SYVN1: variants seen among roughly 807,000 people sequenced by gnomAD.
SYVN1 encodes the protein synoviolin 1, also known as E3 ubiquitin-protein ligase synoviolin.
In SYVN1, 17 loss-of-function variants were observed where a neutral mutation model predicts 62.6. The ratio of observed to expected loss-of-function variants is 0.27; its 90% CI spans 0.19 to 0.41. SYVN1 has a LOEUF of 0.41. SYVN1 is among the 10% of genes least tolerant of loss of function. The pLI, the probability that SYVN1 is intolerant of heterozygous loss-of-function variation, is 1.00. For missense variants in SYVN1, 634 were observed against 818.0 expected, an observed-to-expected ratio of 0.78 and a Z score of 2.74; for synonymous variants, 316 against 304.0, an observed-to-expected ratio of 1.04 and a Z score of -0.41.
chr11:65,132,620 A>T, intron 5 of SYVN1, 112 bp downstream of exon 5: 1 of 1,293,130 alleles, frequency 7.7e-7, no homozygotes, highest in Non-Finnish European at 1.1e-6. Context: ...TATGCAAATT[A>T]ACTTCCTAAA....
At chr11:65,133,123 C>T (rs762186907) in intron 3 of SYVN1, 37 bp downstream of exon 3, 2 of 1,614,182 alleles carry the variant, frequency 1.2e-6, no homozygotes, top group South Asian at 2.2e-5. Context: ...TCTTTCCCAG[C>T]ACCCTGCCCT....
chr11:65,129,749 G>C lies in SYVN1; in HGVS notation c.1575C>G (p.Leu525=), dbSNP rs1307877847. 14 of 1,614,220 alleles carry C rather than the reference G, an allele frequency of 8.7e-6. No individual in the cohort carries two copies. Among genetic ancestry groups the C allele is most frequent in the Non-Finnish European group, 1.2e-5 (14 of 1,180,016 alleles). The change falls in exon 14 of 16, where the codon CTC becomes CTG. Residue 525 remains leucine, a synonymous_variant. Transcript: ENST00000377190. ...DAAMLQINQY[L]TVLASLGPPR... ...CACACCCCAAGGAGGCCAGCACGGT[G>C]AGGTACTGGTTGATCTGCAGCATGG... is the stretch of plus-strand genomic sequence containing the variant.
intron 14 of SYVN1, 195 bp from the exon 15 acceptor site, chr11:65,128,909 C>A: frequency 1.6e-6 from 1 of 623,526 alleles, no homozygotes; most frequent in Non-Finnish European, 2.8e-6. Context: ...ATGATTCTAT[C>A]CCTTAGCTGT....
Position 65,132,915 on chromosome 11 carries a change from G to A in SYVN1, c.378+7C>T, listed in dbSNP as rs1565349410. 3 of 1,614,058 alleles carry A rather than the reference G, an allele frequency of 1.9e-6. No homozygotes were observed. The highest frequency in any genetic ancestry group is 1.7e-6 in the Non-Finnish European group (2 of 1,179,954). ...CACCTGCTCCAGAACTCCCTGCCTTGACTCACAAAGTCCACACGGTCCTCA... is the reference window on the plus strand; with the variant it reads ...CACCTGCTCCAGAACTCCCTGCCTTAACTCACAAAGTCCACACGGTCCTCA... On this transcript the variant is annotated splice_region_variant and intron_variant, in intron 4 of 15. Transcript: ENST00000377190.
In SYVN1 at chr11:65,131,573, C is replaced by T. The variant is rs373544314; in HGVS notation, c.555G>A (p.Val185=). 12 of 1,613,744 alleles carry T rather than the reference C, an allele frequency of 7.4e-6. No homozygotes were observed. In the African/African-American group the frequency reaches 1.5e-4, roughly 20 times the overall value. The change falls in exon 7 of 16, where the codon GTG becomes GTA. Residue 185 remains valine (V), a synonymous_variant. Coordinates refer to ENST00000377190, the MANE Select transcript of SYVN1 (RefSeq NM_172230.3). ...GFEYAILMTM[V]LTIFIKYVLH... ...GCACATACTTGATGAAGATGGTGAGCACCATCGTCATCAGGATGGCATACT... is the reference window on the plus strand; with the variant it reads ...GCACATACTTGATGAAGATGGTGAGTACCATCGTCATCAGGATGGCATACT...
Position 65,129,888 on chromosome 11 carries a change from G to A in SYVN1, c.1436C>T (p.Ala479Val), listed in dbSNP as rs560736543. 7.9e-5 allele frequency: 128 copies of A among 1,613,948 alleles called. 1 individual carries two copies. The South Asian group carries it at 1.1e-3, about 14-fold the overall frequency. ...FAFPPMPVPP[A>V]GFAGLTPEEL... Reference sequence around the variant, plus strand: ...CTCTGGGGTCAGCCCAGCAAAGCCCGCAGGGGGCACAGGCATTGGGGGGAA... The same window carrying A: ...CTCTGGGGTCAGCCCAGCAAAGCCCACAGGGGGCACAGGCATTGGGGGGAA... Residue 479 changes from alanine (A) to valine (V), a missense_variant, in exon 14 of 16, where the codon GCG becomes GTG. Ala to Val is a moderately conservative substitution (Grantham distance 64). Transcript: ENST00000377190.
chr11:65,132,803 C>G (rs757836913), intron 4 of SYVN1, 23 bp from the exon 5 acceptor site: 10 of 1,614,120 alleles, frequency 6.2e-6, no homozygotes, highest in Non-Finnish European at 8.5e-6. Context: ...ACAGAAGAGG[C>G]CTGTCAGGAG....
Position 65,129,907 on chromosome 11 carries a change from G to C in SYVN1, c.1417C>G (p.Pro473Ala), listed in dbSNP as rs774907805. 82 of 1,613,434 alleles carry C rather than the reference G, an allele frequency of 5.1e-5. 1 individual carries two copies. In the South Asian group the frequency reaches 5.4e-4, roughly 11 times the overall value. ...AAGCCCGCAGGGGGCACAGGCATTG[G>C]GGGGAAGGCTGGAGAGAGAGAGGCT... ...MPLPPPFAFP[P>A]MPVPPAGFAG... The change falls in exon 14 of 16, where the codon CCA becomes GCA. Residue 473 changes from proline (P) to alanine (A), a missense_variant. This residue lies in a region of SYVN1 where 351 missense variants were observed against 373.3 expected (regional missense o/e 0.94). Coordinates refer to ENST00000377190, the MANE Select transcript of SYVN1 (RefSeq NM_172230.3).
Position 65,128,023 on chromosome 11 carries a change from G to A in SYVN1, c.*359C>T. The stretch of plus-strand genomic sequence containing the variant: ...AGCTAATACTGTTCGGCACTGCAGT[G>A]TGACTCCGCACATACAAGTAGGGCT... On this transcript the variant is annotated 3_prime_UTR_variant, in exon 16 of 16. Transcript: ENST00000377190. 5.2e-6 allele frequency: 2 copies of A among 384,634 alleles called. No individual in the cohort carries two copies. Among genetic ancestry groups the A allele is most frequent in the Non-Finnish European group, 9.6e-6 (2 of 208,316 alleles). The allele number at this position is 384,634 out of a possible 1,614,324, so 23.8% of individuals were successfully genotyped here.
Position 65,128,417 on chromosome 11 carries a change from G to T in SYVN1, c.1819C>A (p.Arg607Ser), listed in dbSNP as rs200430604. The T allele has an allele frequency of 6.2e-7, 1 of 1,613,878 alleles. No individual in the cohort carries two copies. Among genetic ancestry groups the T allele is most frequent in the African/African-American group, 1.3e-5 (1 of 75,048 alleles). The stretch of plus-strand genomic sequence containing the variant: ...ACAGGAGACTCCAGCTTCTGCAGGC[G>T]GCGCCGGCGGAGCTCTGCTGCATCG... The part of the protein sequence containing the change: ...EPDAAELRRR[R>S]LQKLESPVAH The change falls in exon 16 of 16, where the codon CGC (arginine) becomes AGC (serine). Residue 607 changes from arginine to serine, a missense_variant. Transcript: ENST00000377190.
chr11:65,131,660 C>A, intron 6 of SYVN1, 64 bp from the exon 7 acceptor site: 2 of 1,582,920 alleles, frequency 1.3e-6, no homozygotes, highest in South Asian at 1.1e-5. Context: ...ACCCACATTG[C>A]TCCCCAAGGC....
Position 65,128,256 on chromosome 11 carries a change from C to T in SYVN1, c.*126G>A. On this transcript the variant is annotated 3_prime_UTR_variant, in exon 16 of 16. Coordinates refer to ENST00000377190, the MANE Select transcript of SYVN1 (RefSeq NM_172230.3). Reference sequence around the variant, plus strand: ...TTCCACTTGGCCTAGGGGATGCCGCCTCTTTCTCAGAGCTGGGGGTACTAC... The same window carrying T: ...TTCCACTTGGCCTAGGGGATGCCGCTTCTTTCTCAGAGCTGGGGGTACTAC... 1.3e-6 allele frequency: 1 copy of T among 794,180 alleles called. No homozygotes were observed. The highest frequency in any genetic ancestry group is 1.6e-5 in the South Asian group (1 of 62,194). The allele number at this position is 794,180 out of a possible 1,614,324, so 49.2% of individuals were successfully genotyped here.
chr11:65,128,081 G>C lies in SYVN1; in HGVS notation c.*301C>G, dbSNP rs1172339350. The stretch of plus-strand genomic sequence containing the variant: ...GCAGCCCCTTCTCCTGGAAAGGGGT[G>C]GGGGAAGAAGAGGGCTTCTCAGAGG... On this transcript the variant is annotated 3_prime_UTR_variant, in exon 16 of 16. Coordinates refer to ENST00000377190, the MANE Select transcript of SYVN1 (RefSeq NM_172230.3). 4 of 516,088 alleles carry C rather than the reference G, an allele frequency of 7.8e-6. No individual in the cohort carries two copies. The highest frequency in any genetic ancestry group is 2.3e-5 in the South Asian group (1 of 42,594). 32.0% of individuals were successfully genotyped at this position (516,088 alleles called of 1,614,324 possible). A position where few individuals can be genotyped will look rare whatever the true frequency, so the allele number is the denominator to read the frequency against.
chr11:65,130,398 G>C lies in SYVN1; in HGVS notation c.1106-19C>G, dbSNP rs1165292111. On this transcript the variant is annotated intron_variant, in intron 11 of 15. Coordinates refer to ENST00000377190, the MANE Select transcript of SYVN1 (RefSeq NM_172230.3). ...TGGGGGACTGCAGAGAGAAGACGGA[G>C]GTAAGGAAAGGGCCAAATGGACACA... The C allele has an allele frequency of 3.3e-6, 5 of 1,517,264 alleles. No individual in the cohort carries two copies. The highest frequency in any genetic ancestry group is 3.5e-6 in the Non-Finnish European group (4 of 1,134,896). 94.0% of individuals were successfully genotyped at this position (1,517,264 alleles called of 1,614,324 possible). A position where few individuals can be genotyped will look rare whatever the true frequency, so the allele number is the denominator to read the frequency against.
chr11:65,130,221 C>T (rs775693272), intron 12 of SYVN1, 30 bp downstream of exon 12: 5 of 1,609,308 alleles, frequency 3.1e-6, no homozygotes, highest in African/African-American at 2.7e-5. Flanking sequence ...CCCTGCCGCC[C>T]CCTGGCTGTC....
At chr11:65,128,803 A>T (rs1169583342) in intron 14 of SYVN1, 89 bp from the exon 15 acceptor site, 32 of 1,360,516 alleles carry the variant, frequency 2.4e-5, no homozygotes, top group Non-Finnish European at 3.2e-5. Context: ...TGCAGAACAG[A>T]GTATAGAATG....
rs1186274583 is a variant in SYVN1 at position 65,131,185 on chromosome 11, T to C, written c.771A>G (p.Lys257=). ...PMYLAMRQFK[K]AVTDAIMSRR... ...GAGACATGATGGCATCTGTCACAGCTTTCTTGAACTGTCTGAAAGGACAGT... is the reference window on the plus strand; with the variant it reads ...GAGACATGATGGCATCTGTCACAGCCTTCTTGAACTGTCTGAAAGGACAGT... Residue 257 remains lysine (K), a synonymous_variant, in exon 9 of 16, where the codon AAA becomes AAG. Transcript: ENST00000377190. The C allele has an allele frequency of 2.5e-6, 4 of 1,614,012 alleles. No individual in the cohort carries two copies. In the Admixed American group the frequency reaches 5.0e-5, roughly 20 times the overall value.
intron 14 of SYVN1, chr11:65,129,430 CAT>C (rs1399703722): frequency 1.6e-5 from 5 of 314,554 alleles, no homozygotes; most frequent in Middle Eastern, 8.8e-4. Context: ...AGAAGAATAT[CAT>C]GTGATGAACT....
At position 65,128,205 on chromosome 11, in the gene SYVN1, G is replaced by A. The variant is rs1948125812; in HGVS notation, c.*177C>T. 4.9e-6 allele frequency: 3 copies of A among 614,598 alleles called. No individual in the cohort carries two copies. The highest frequency in any genetic ancestry group is 8.6e-6 in the Non-Finnish European group (3 of 347,380). The allele number at this position is 614,598 out of a possible 1,614,324, so 38.1% of individuals were successfully genotyped here. ...GAGATCCCCATGGCTGCCTGGGACT[G>A]GAGTCAAATGGGAACCCCAGCCTCT... is the stretch of plus-strand genomic sequence containing the variant. On this transcript the variant is annotated 3_prime_UTR_variant, in exon 16 of 16. Coordinates refer to ENST00000377190, the MANE Select transcript of SYVN1 (RefSeq NM_172230.3).
Sources: allele counts gnomAD v4.1 joint callset, GRCh38; gene constraint gnomAD v4.1.1; regional missense constraint gnomAD v4.1.1; transcripts MANE v1.5; gene names NCBI Gene and HGNC (gene_info 2026-07-23, HGNC 2026-07-21).